BNC2: variants seen among roughly 807,000 people sequenced by gnomAD.
BNC2 encodes the protein zinc finger protein basonuclin-2.
In BNC2, 20 loss-of-function variants were observed where a neutral mutation model predicts 76.3. The observed-to-expected ratio is 0.26, with a 90% CI of 0.18 to 0.38. BNC2 has a LOEUF of 0.38. Among genes scored for constraint, BNC2 ranks in the 10% least tolerant of loss-of-function variants. The probability of loss-of-function intolerance (pLI) is 1.00; values close to 1 mark genes in which losing one functional copy is unlikely to be tolerated. For synonymous variants in BNC2, 582 were observed against 514.8 expected (o/e 1.13, Z -1.77); for missense variants, 1,382 against 1,399.8 (o/e 0.99, Z 0.20).
At chr9:16,664,411 G>A (rs915629624) in intron 3 of BNC2, among the ~76,000 whole-genome samples, 11 of 152,130 alleles carry the variant, frequency 7.2e-5, no homozygotes, top group Admixed American at 1.3e-4. Context: ...CCTATCCAGA[G>A]AAATTCCACT....
At chr9:16,495,021 G>C (rs995986495) in intron 5 of BNC2, among the ~76,000 whole-genome samples, 1 of 152,154 alleles carries the variant, frequency 6.6e-6, no homozygotes, top group Non-Finnish European at 1.5e-5. Context: ...CAACCCAGGA[G>C]AAAGTCAATG....
At chr9:16,718,828 T>C in intron 3 of BNC2, among the ~76,000 whole-genome samples, 1 of 152,106 alleles carries the variant, frequency 6.6e-6, no homozygotes, top group Non-Finnish European at 1.5e-5. Context: ...TCAACATACA[T>C]AGAATTAAGT....
intron 5 of BNC2, among the ~76,000 whole-genome samples, chr9:16,475,357 C>G (rs1230472531): frequency 6.6e-6 from 1 of 152,134 alleles, no homozygotes; most frequent in Non-Finnish European, 1.5e-5. Flanking sequence ...TTTAGAAACT[C>G]ACACTATGTT....
At chr9:16,524,536 G>T (rs1167268580) in intron 5 of BNC2, among the ~76,000 whole-genome samples, 1 of 151,962 alleles carries the variant, frequency 6.6e-6, no homozygotes, top group African/African-American at 2.4e-5. Context: ...ACACATTCAG[G>T]ATTATACCTA....
At chr9:16,704,284 A>G (rs1020203860) in intron 3 of BNC2, among the ~76,000 whole-genome samples, 5 of 152,214 alleles carry the variant, frequency 3.3e-5, no homozygotes, top group African/African-American at 1.2e-4. Context: ...AAACAACTCC[A>G]ACAGTGAATG....
chr9:16,677,699 T>C (rs1822693886), intron 3 of BNC2, among the ~76,000 whole-genome samples: 1 of 152,040 alleles, frequency 6.6e-6, no homozygotes, highest in Admixed American at 6.6e-5. Flanking sequence ...AATGTCTTCC[T>C]CCTGTGTCCG....
rs201607951 is a variant in BNC2, at chr9:16,419,653, G to A, written c.2640-4C>T. 1.3e-5 allele frequency: 15 copies of A among 1,169,690 alleles called. No individual in the cohort carries two copies. The highest frequency in any genetic ancestry group is 1.7e-5 in the African/African-American group (1 of 57,196). 72.5% of individuals were successfully genotyped at this position (1,169,690 alleles called of 1,614,324 possible). ...TAGGTTTATGTTGGCACTGTGTCTA[G>A]GAAAACAAGAGGGAAGGGGGGGTAC... On this transcript the variant is annotated splice_polypyrimidine_tract_variant and splice_region_variant and intron_variant, in intron 6 of 6. Transcript: ENST00000380672.
chr9:16,476,064 G>A (rs1270702207), intron 5 of BNC2: 3 of 152,166 alleles, frequency 2.0e-5, no homozygotes, highest in East Asian at 1.9e-4. Flanking sequence ...GGAAACTGAT[G>A]AGAACGAGGA....
chr9:16,473,083 A>C (rs1821857968), intron 5 of BNC2: 1 of 152,282 alleles, frequency 6.6e-6, no homozygotes. Flanking sequence ...AAGAAGAGCA[A>C]ATCAGGTGGC....
At chr9:16,665,644 G>C (rs1822269524) in intron 3 of BNC2, among the ~76,000 whole-genome samples, 1 of 152,106 alleles carries the variant, frequency 6.6e-6, no homozygotes, top group African/African-American at 2.4e-5. Context: ...TGAATTTATA[G>C]TCAAGACTGA....
chr9:16,612,482 G>C (rs972161577), intron 3 of BNC2, among the ~76,000 whole-genome samples: 1 of 151,986 alleles, frequency 6.6e-6, no homozygotes, highest in Non-Finnish European at 1.5e-5. Flanking sequence ...TAACTGTACT[G>C]AATAAGAAAT....
At chr9:16,658,076 TAGA>T (rs1184843064) in intron 3 of BNC2, among the ~76,000 whole-genome samples, 1 of 152,116 alleles carries the variant, frequency 6.6e-6, no homozygotes, top group East Asian at 1.9e-4. Flanking sequence ...CACTCAGAGG[TAGA>T]AGGAGATCCT....
chr9:16,724,961 TAAAA>T (rs1379752524), intron 3 of BNC2, among the ~76,000 whole-genome samples: 1 of 151,800 alleles, frequency 6.6e-6, no homozygotes, highest in Non-Finnish European at 1.5e-5. Flanking sequence ...AAGAAAACTT[TAAAA>T]AAAATAACCC....
chr9:16,692,643 G>A (rs1271973407), intron 3 of BNC2, among the ~76,000 whole-genome samples: 1 of 152,140 alleles, frequency 6.6e-6, no homozygotes, highest in African/African-American at 2.4e-5. Context: ...GCCGCATAGG[G>A]GAAAGGAAAG....
At chr9:16,518,585 G>T (rs6475058) in intron 5 of BNC2, among the ~76,000 whole-genome samples, 18,614 of 130,782 alleles carry the variant, frequency 0.14, 1,586 homozygotes, top group African/African-American at 0.36. Context: ...TATATTTTTT[G>T]TTGTTGTTGT....
At chr9:16,800,682 A>T (rs1417181535) in intron 1 of BNC2, among the ~76,000 whole-genome samples, 3 of 152,198 alleles carry the variant, frequency 2.0e-5, no homozygotes, top group Non-Finnish European at 4.4e-5. Context: ...AATAATTTTC[A>T]GTGCAAGAGA....
At chr9:16,686,484 C>T (rs1447650711) in intron 3 of BNC2, among the ~76,000 whole-genome samples, 1 of 152,146 alleles carries the variant, frequency 6.6e-6, no homozygotes, top group Non-Finnish European at 1.5e-5. Flanking sequence ...TATTTCCATA[C>T]TTATACTACT....
chr9:16,684,408 T>G lies in BNC2; in HGVS notation c.330+43389A>C, dbSNP rs77094367. On this transcript the variant is annotated intron_variant, in intron 3 of 6. Transcript: ENST00000380672. ...CATACACCACCCAGACAGTACCAGT[T>G]TGGGGCACAGCAGAGCTCAGGTGGT... is the stretch of plus-strand genomic sequence containing the variant. Among the ~76,000 whole-genome samples, 938 of 152,114 alleles carry G rather than the reference T, an allele frequency of 6.2e-3. 18 individuals carry two copies. The highest frequency in any genetic ancestry group is 0.022 in the African/African-American group (894 of 41,490).
intron 3 of BNC2, among the ~76,000 whole-genome samples, chr9:16,592,340 A>G (rs1210893773): frequency 6.6e-6 from 1 of 152,194 alleles, no homozygotes; most frequent in African/African-American, 2.4e-5. Context: ...AATATAATGA[A>G]ATTTTATTTG....
Sources: gnomAD v4.1 joint callset for allele counts (sites outside exome capture counted in the v4.1 genomes callset) on GRCh38, gnomAD v4.1.1 for gene constraint, MANE v1.5 for transcripts, NCBI Gene and HGNC (gene_info 2026-07-23, HGNC 2026-07-21) for gene names.